ASTN2: variants seen among roughly 807,000 people sequenced by gnomAD.
ASTN2 encodes the protein astrotactin-2.
ASTN2 carries 54 observed loss-of-function variants against 139.8 expected under a neutral mutation model. That is an observed-to-expected ratio of 0.39 (90% CI 0.31 to 0.48). ASTN2 has a LOEUF of 0.48. Among genes scored for constraint, ASTN2 ranks in the 20% least tolerant of loss-of-function variants. The pLI is 0.95. For synonymous variants in ASTN2, 756 were observed against 719.5 expected, an observed-to-expected ratio of 1.05 and a Z score of -0.81; for missense variants, 1,565 against 1,725.1, an observed-to-expected ratio of 0.91 and a Z score of 1.64.
intron 12 of ASTN2, among the ~76,000 whole-genome samples, chr9:116,814,682 A>G (rs914074193): frequency 2.2e-4 from 33 of 152,340 alleles, no homozygotes; most frequent in African/African-American, 7.7e-4. Flanking sequence ...TCTCCACTGC[A>G]TGATTTGGGA....
At chr9:117,181,914 G>A (rs1213081411) in intron 3 of ASTN2, among the ~76,000 whole-genome samples, 3 of 152,040 alleles carry the variant, frequency 2.0e-5, no homozygotes, top group South Asian at 2.1e-4. Context: ...TTTGGGATTC[G>A]CAAAAGCTGA....
At chr9:116,829,188 C>T (rs534353029) in intron 11 of ASTN2, among the ~76,000 whole-genome samples, 1 of 150,956 alleles carries the variant, frequency 6.6e-6, no homozygotes, top group Non-Finnish European at 1.5e-5. Context: ...TAGAACAGAC[C>T]CCAAATAACC....
At chr9:117,076,866 CCTTT>C (rs1828294695) in intron 5 of ASTN2, among the ~76,000 whole-genome samples, 4 of 152,192 alleles carry the variant, frequency 2.6e-5, no homozygotes, top group African/African-American at 9.6e-5. Flanking sequence ...ATATTTTTTT[CCTTT>C]CTTTTTCTTC....
chr9:116,777,814 G>T (rs1313937166), intron 13 of ASTN2, among the ~76,000 whole-genome samples: 2 of 151,920 alleles, frequency 1.3e-5, no homozygotes, highest in Non-Finnish European at 2.9e-5. Flanking sequence ...CCTGGGAAAT[G>T]AAGCAAATTG....
At chr9:116,733,348 AC>A in intron 14 of ASTN2, 50 bp downstream of exon 14, 1 of 1,598,912 alleles carries the variant, frequency 6.3e-7, no homozygotes, top group Non-Finnish European at 8.5e-7. Flanking sequence ...AGGTGTGGAG[AC>A]TCGGTGTGTG....
intron 13 of ASTN2, among the ~76,000 whole-genome samples, chr9:116,784,780 G>A (rs1228270572): frequency 6.6e-6 from 1 of 151,942 alleles, no homozygotes; most frequent in Non-Finnish European, 1.5e-5. Context: ...AAATACAAAA[G>A]TAGACAGGCG....
chr9:117,213,150 A>G (rs1229620610), intron 3 of ASTN2, among the ~76,000 whole-genome samples: 1 of 152,224 alleles, frequency 6.6e-6, no homozygotes, highest in Admixed American at 6.5e-5. Flanking sequence ...ATGGAACTGA[A>G]GAACATTATA....
intron 16 of ASTN2, among the ~76,000 whole-genome samples, chr9:116,658,269 T>C (rs1400486824): frequency 6.6e-6 from 1 of 152,014 alleles, no homozygotes; most frequent in Non-Finnish European, 1.5e-5. Context: ...GGCAAGAAAA[T>C]GGACTAGGTC....
chr9:116,513,605 G>T (rs1383188071), intron 19 of ASTN2, among the ~76,000 whole-genome samples: 1 of 152,128 alleles, frequency 6.6e-6, no homozygotes, highest in Non-Finnish European at 1.5e-5. Flanking sequence ...TTTCCAACTT[G>T]GTTCCATTCT....
intron 20 of ASTN2, among the ~76,000 whole-genome samples, chr9:116,486,051 C>T (rs10983192): frequency 1.3e-5 from 2 of 152,294 alleles, no homozygotes; most frequent in East Asian, 3.9e-4. Flanking sequence ...TCACACAACT[C>T]TACAAGGTGG....
At chr9:116,616,433 T>C (rs1855859106) in intron 19 of ASTN2, among the ~76,000 whole-genome samples, 1 of 152,200 alleles carries the variant, frequency 6.6e-6, no homozygotes, top group Non-Finnish European at 1.5e-5. Context: ...AGTTTCAATG[T>C]AAACTCTACA....
At chr9:117,012,571 A>G (rs776528796) in intron 6 of ASTN2, among the ~76,000 whole-genome samples, 7 of 152,174 alleles carry the variant, frequency 4.6e-5, no homozygotes, top group Non-Finnish European at 1.0e-4. Context: ...AATACAACCT[A>G]CAGTGTGGTA....
rs542220355 is a variant in ASTN2 at position 116,620,326 on chromosome 9, G to A, written c.3190C>T (p.Pro1064Ser). 5 of 1,613,948 alleles carry A rather than the reference G, an allele frequency of 3.1e-6. No homozygotes were observed. Among genetic ancestry groups the A allele is most frequent in the Non-Finnish European group, 4.2e-6 (5 of 1,180,022 alleles). ...FDANGLPNCS[P>S]LLQPVLRLSP... ...CATACGTACACCGGCTGCAGAAGGG[G>A]GCTGCAGTTGGGGAGCCCATTGGCA... Residue 1064 changes from proline to serine, a missense_variant, in exon 18 of 23, where the codon CCC becomes TCC. By Grantham distance (74) the Pro-to-Ser change is moderately conservative (BLOSUM62 -1). This residue lies in a region of ASTN2 where 418 missense variants were observed against 465.8 expected (regional missense o/e 0.90). Coordinates refer to ENST00000313400, the MANE Select transcript of ASTN2 (RefSeq NM_001365068.1).
intron 4 of ASTN2, among the ~76,000 whole-genome samples, chr9:117,113,776 G>A (rs1829308433): frequency 6.6e-6 from 1 of 152,174 alleles, no homozygotes; most frequent in Non-Finnish European, 1.5e-5. Flanking sequence ...TACATACTGT[G>A]TGAGTCCATT....
At chr9:116,502,315 TCA>T (rs1201506708) in intron 19 of ASTN2, among the ~76,000 whole-genome samples, 1 of 145,568 alleles carries the variant, frequency 6.9e-6, no homozygotes, top group African/African-American at 2.6e-5. Context: ...AGACACACAC[TCA>T]CACACAGAGA....
chr9:117,301,572 A>G (rs945637919), intron 1 of ASTN2, among the ~76,000 whole-genome samples: 2 of 152,184 alleles, frequency 1.3e-5, no homozygotes, highest in African/African-American at 4.8e-5. Context: ...TGTTTTCACC[A>G]CTGTCCTACA....
chr9:116,803,522 A>ATATATTTTTTTTT (rs1554748694), intron 13 of ASTN2, among the ~76,000 whole-genome samples: 1 of 21,132 alleles, frequency 4.7e-5, no homozygotes, highest in Non-Finnish European at 8.0e-5. Flanking sequence ...ATATATATAT[A>ATATATTTTTTTTT]TTTTTTTTTT....
intron 1 of ASTN2, among the ~76,000 whole-genome samples, chr9:117,313,161 C>T (rs1026592680): frequency 6.6e-6 from 1 of 152,220 alleles, no homozygotes; most frequent in East Asian, 1.9e-4. Context: ...ATCTCCTCTG[C>T]CCTCACTACC....
intron 13 of ASTN2, among the ~76,000 whole-genome samples, chr9:116,801,515 G>A (rs1564274632): frequency 7.2e-6 from 1 of 138,990 alleles, no homozygotes; most frequent in Non-Finnish European, 1.5e-5. Flanking sequence ...GGAGGTGGAG[G>A]TTACAGTGAG....
Sources: gnomAD v4.1 joint callset for allele counts (sites outside exome capture counted in the v4.1 genomes callset) on GRCh38, gnomAD v4.1.1 for gene constraint, gnomAD v4.1.1 regional missense constraint, MANE v1.5 for transcripts, NCBI Gene and HGNC (gene_info 2026-07-23, HGNC 2026-07-21) for gene names.